Variants in SFXN2 observed in about 807,000 individuals in gnomAD.
The protein encoded by SFXN2 is sideroflexin-2.
A neutral mutation model predicts 41.9 loss-of-function variants in SFXN2; 37 were observed. That is an observed-to-expected ratio of 0.88 (90% CI 0.68 to 1.16). The LOEUF (loss-of-function observed/expected upper bound fraction) is 1.16. Among genes scored for constraint, SFXN2 ranks in the 50% most tolerant of loss-of-function variants. SFXN2 has a pLI of 0.00. For missense variants in SFXN2, 386 were observed against 425.2 expected, an observed-to-expected ratio of 0.91 and a Z score of 0.81; for synonymous variants, 150 against 156.7, an observed-to-expected ratio of 0.96 and a Z score of 0.32.
chr10:102,737,356 A>C (rs1380456720), intron 11 of SFXN2, among the ~76,000 whole-genome samples: 4 of 152,014 alleles, frequency 2.6e-5, no homozygotes. Flanking sequence ...TACCCAGACA[A>C]TTCCAGTCTC....
At chr10:102,737,544 A>G in intron 11 of SFXN2, 119 bp from the exon 12 acceptor site, 1 of 677,906 alleles carries the variant, frequency 1.5e-6, no homozygotes, top group South Asian at 1.7e-5. Context: ...TGGTATACAG[A>G]GGCCAATAAT....
intron 1 of SFXN2, among the ~76,000 whole-genome samples, chr10:102,726,200 G>A (rs750585400): frequency 4.6e-5 from 7 of 152,028 alleles, no homozygotes; most frequent in African/African-American, 7.3e-5. Flanking sequence ...CCCCTGCCTC[G>A]GCCTCCCAAA....
At chr10:102,731,381 A>G (rs1403889544) in intron 6 of SFXN2, among the ~76,000 whole-genome samples, 3 of 151,852 alleles carry the variant, frequency 2.0e-5, no homozygotes, top group Non-Finnish European at 4.4e-5. Flanking sequence ...TTTAATCCTT[A>G]CCAGGTCCTG....
At chr10:102,725,895 A>T (rs1402124358) in intron 1 of SFXN2, among the ~76,000 whole-genome samples, 3 of 151,866 alleles carry the variant, frequency 2.0e-5, no homozygotes, top group Non-Finnish European at 2.9e-5. Context: ...AAAATTAAAT[A>T]AAAAAAAGAA....
At chr10:102,717,892 C>A in intron 1 of SFXN2, 2 of 654,822 alleles carry the variant, frequency 3.1e-6, no homozygotes, top group Non-Finnish European at 1.9e-6. Context: ...AGACTTTACA[C>A]AAATCACAGT....
intron 1 of SFXN2, chr10:102,716,155 C>T (rs564611369): frequency 6.6e-6 from 1 of 152,098 alleles, no homozygotes; most frequent in East Asian, 1.9e-4. Flanking sequence ...GCCTAACAGC[C>T]CACTTGCCTT....
Position 102,729,802 on chromosome 10 carries a change from G to T in SFXN2, c.587G>T (p.Arg196Leu). ...AANCVNIPMMRQQELIKGICV... is the reference protein window; with the variant it reads ...AANCVNIPMMLQQELIKGICV... Reference sequence around the variant, plus strand: ...AACTGTGTCAATATCCCCATGATGCGACAGCAGTGAGTAAAGGCCCCTTTT... The same window carrying T: ...AACTGTGTCAATATCCCCATGATGCTACAGCAGTGAGTAAAGGCCCCTTTT... Residue 196 changes from arginine to leucine, a missense_variant, in exon 6 of 12, where the codon CGA (arginine) becomes CTA (leucine). Transcript: ENST00000369893. The T allele has an allele frequency of 6.2e-7, 1 of 1,613,950 alleles. No homozygotes were observed. The highest frequency in any genetic ancestry group is 8.5e-7 in the Non-Finnish European group (1 of 1,180,016).
chr10:102,720,201 A>G lies in SFXN2; in HGVS notation c.-26+5520A>G, dbSNP rs532052792. Among the ~76,000 whole-genome samples the G allele has an allele frequency of 2.7e-5, 4 of 145,872 alleles. No homozygotes were observed. The East Asian group carries it at 8.7e-4, about 32-fold the overall frequency. On this transcript the variant is annotated intron_variant, in intron 1 of 11. Coordinates refer to ENST00000369893, the MANE Select transcript of SFXN2 (RefSeq NM_178858.6). ...CAGCTACTCAGGAGGCTGAGGCAGGAGAATTGCTTGAACCCAGGAGGTGGA... is the reference window on the plus strand; with the variant it reads ...CAGCTACTCAGGAGGCTGAGGCAGGGGAATTGCTTGAACCCAGGAGGTGGA...
intron 1 of SFXN2, among the ~76,000 whole-genome samples, chr10:102,718,501 G>A (rs2064451421): frequency 6.6e-6 from 1 of 152,260 alleles, no homozygotes; most frequent in Non-Finnish European, 1.5e-5. Context: ...TTTGGTCTTT[G>A]AAGCAGCCTG....
intron 7 of SFXN2, 113 bp downstream of exon 7, chr10:102,731,896 C>A (rs2064709894): frequency 3.2e-6 from 3 of 933,978 alleles, no homozygotes; most frequent in Non-Finnish European, 3.3e-6. Context: ...TTTTCTGGCT[C>A]CATCCTCACT....
intron 3 of SFXN2, among the ~76,000 whole-genome samples, chr10:102,727,499 T>G (rs1259233669): frequency 2.0e-5 from 3 of 152,172 alleles, no homozygotes; most frequent in Non-Finnish European, 4.4e-5. Context: ...CTTTAAAAAG[T>G]ACTTATTCCA....
At chr10:102,731,123 C>G (rs565762813) in intron 6 of SFXN2, among the ~76,000 whole-genome samples, 1 of 151,240 alleles carries the variant, frequency 6.6e-6, no homozygotes, top group African/African-American at 2.4e-5. Flanking sequence ...AAAAATTAGC[C>G]GGGCATGGTG....
intron 1 of SFXN2, among the ~76,000 whole-genome samples, chr10:102,722,856 C>A (rs2136034468): frequency 6.6e-6 from 1 of 150,556 alleles, no homozygotes; most frequent in South Asian, 2.1e-4. Context: ...ACCAGAAGAA[C>A]TTCTTTTAAC....
chr10:102,733,341 G>T (rs2064730119), intron 9 of SFXN2, among the ~76,000 whole-genome samples: 1 of 151,976 alleles, frequency 6.6e-6, no homozygotes, highest in African/African-American at 2.4e-5. Context: ...GTAGAGACGG[G>T]TTTTCACTGT....
intron 11 of SFXN2, 47 bp from the exon 12 acceptor site, chr10:102,737,616 C>T (rs1003401965): frequency 1.2e-5 from 15 of 1,275,302 alleles, no homozygotes; most frequent in Non-Finnish European, 1.7e-5. Context: ...GGGTAACTTA[C>T]TGCTTGTTCC....
rs1023368676 is a variant in SFXN2 at position 102,717,158 on chromosome 10, G to A, written c.-26+2477G>A. 9.4e-5 allele frequency among the ~76,000 whole-genome samples: 12 copies of A among 127,320 alleles called. No homozygotes were observed. In the South Asian group the frequency reaches 2.0e-3, roughly 21 times the overall value. 83.5% of individuals were successfully genotyped at this position (127,320 alleles called of 152,430 possible). On this transcript the variant is annotated intron_variant, in intron 1 of 11. Transcript: ENST00000369893. ...TTTTTTTTTTTTTTGTGGAGACGGA[G>A]TCTCGCTCTGTCACCCAGACTGGAG...
rs771090104 is a variant in SFXN2, at chr10:102,731,706, C to T, written c.594-17C>T. On this transcript the variant is annotated splice_polypyrimidine_tract_variant and intron_variant, in intron 6 of 11. Coordinates refer to ENST00000369893, the MANE Select transcript of SFXN2 (RefSeq NM_178858.6). ...ATCACCCCTTTCCCAAGTCCATTAACTCCTGTCTGTGTTTAGGGAGCTCAT... is the reference window on the plus strand; with the variant it reads ...ATCACCCCTTTCCCAAGTCCATTAATTCCTGTCTGTGTTTAGGGAGCTCAT... 1.1e-5 allele frequency: 18 copies of T among 1,611,164 alleles called. No individual in the cohort carries two copies. In the Admixed American group the frequency reaches 2.8e-4, roughly 25 times the overall value.
At chr10:102,732,440 T>C (rs1426852366) in intron 8 of SFXN2, among the ~76,000 whole-genome samples, 1 of 152,256 alleles carries the variant, frequency 6.6e-6, no homozygotes, top group Non-Finnish European at 1.5e-5. Context: ...TATTAATACT[T>C]GTCAAGCCCT....
chr10:102,731,541 A>G (rs942749273), intron 6 of SFXN2, among the ~76,000 whole-genome samples, 182 bp from the exon 7 acceptor site: 2 of 152,174 alleles, frequency 1.3e-5, no homozygotes, highest in African/African-American at 4.8e-5. Context: ...GCTCTCAGCC[A>G]CTGCCCTAGA....
Sources: gnomAD v4.1 joint callset for allele counts (sites outside exome capture counted in the v4.1 genomes callset) on GRCh38, gnomAD v4.1.1 for gene constraint, MANE v1.5 for transcripts, NCBI Gene and HGNC (gene_info 2026-07-23, HGNC 2026-07-21) for gene names.